Variants in ATF7IP observed in about 807,000 individuals in gnomAD.
The protein encoded by ATF7IP is activating transcription factor 7 interacting protein.
Under a neutral mutation model 106.4 loss-of-function variants are expected in ATF7IP, and 23 were observed. The ratio of observed to expected loss-of-function variants is 0.22; its 90% confidence interval spans 0.16 to 0.31. ATF7IP has a LOEUF of 0.31. Among genes scored for constraint, ATF7IP ranks in the 10% least tolerant of loss-of-function variants. The pLI is 1.00. For synonymous variants in ATF7IP, 542 were observed against 539.0 expected (o/e 1.01, Z -0.08); for missense variants, 1,334 against 1,524.3 (o/e 0.88, Z 2.08).
At chr12:14,467,389 T>C (rs1192431626) in intron 10 of ATF7IP, among the ~76,000 whole-genome samples, 2 of 152,190 alleles carry the variant, frequency 1.3e-5, no homozygotes, top group Admixed American at 6.5e-5. Flanking sequence ...AACCTAGATG[T>C]ACACCATAGT....
intron 13 of ATF7IP, among the ~76,000 whole-genome samples, chr12:14,491,010 A>C (rs1328141008): frequency 1.3e-5 from 2 of 152,126 alleles, no homozygotes; most frequent in East Asian, 1.9e-4. Flanking sequence ...AAAAGATGAC[A>C]GGGCTTTGCT....
At chr12:14,476,236 A>C in intron 11 of ATF7IP, 1 of 262,468 alleles carries the variant, frequency 3.8e-6, no homozygotes, top group Non-Finnish European at 7.2e-6. Context: ...ATGCGGTGAA[A>C]CCCCGTCTCT....
intron 9 of ATF7IP, 157 bp from the exon 10 acceptor site, chr12:14,466,369 A>G (rs1943832206): frequency 7.7e-6 from 5 of 645,490 alleles, no homozygotes; most frequent in South Asian, 7.4e-5. Context: ...TCTGAAAGAT[A>G]CTATAGCAGT....
chr12:14,436,920 T>C (rs1459987141), intron 4 of ATF7IP, among the ~76,000 whole-genome samples: 3 of 152,130 alleles, frequency 2.0e-5, no homozygotes, highest in South Asian at 2.1e-4. Context: ...CTTTATCTTA[T>C]TGTGAAAAGG....
At chr12:14,428,136 C>T (rs978107703) in intron 2 of ATF7IP, among the ~76,000 whole-genome samples, 1 of 150,932 alleles carries the variant, frequency 6.6e-6, no homozygotes, top group Non-Finnish European at 1.5e-5. Context: ...CTTATAAGTC[C>T]TTTAAAAAAA....
At chr12:14,468,199 C>T (rs1011590001) in intron 10 of ATF7IP, among the ~76,000 whole-genome samples, 28 of 146,286 alleles carry the variant, frequency 1.9e-4, no homozygotes, top group Admixed American at 6.4e-4. Flanking sequence ...CCCAGGAGGG[C>T]GGAGGTTGCA....
At chr12:14,409,246 A>G (rs1940779049) in intron 1 of ATF7IP, among the ~76,000 whole-genome samples, 1 of 152,118 alleles carries the variant, frequency 6.6e-6, no homozygotes, top group African/African-American at 2.4e-5. Flanking sequence ...ATTGGCAAAT[A>G]CAGAGAATGG....
At chr12:14,396,413 C>T (rs1186911638) in intron 1 of ATF7IP, among the ~76,000 whole-genome samples, 2 of 151,654 alleles carry the variant, frequency 1.3e-5, no homozygotes, top group African/African-American at 2.4e-5. Context: ...TTACTTGTTG[C>T]CTTTTGACAG....
In ATF7IP at chr12:14,481,758, G is replaced by T. The variant is rs112824105; in HGVS notation, c.3280+573G>T. 8.0e-4 allele frequency: 162 copies of T among 202,722 alleles called. 3 individuals carry two copies. In the East Asian group the frequency reaches 0.021, roughly 27 times the overall value. The allele number at this position is 202,722 out of a possible 1,614,324, so 12.6% of individuals were successfully genotyped here. On this transcript the variant is annotated intron_variant, in intron 13 of 14. Coordinates refer to ENST00000261168, the MANE Select transcript of ATF7IP (RefSeq NM_018179.5). ...ACTCTATTAAGAAACACCTTACCTA[G>T]TTAGAGTGGGAATGGTCAATTGTGA...
chr12:14,430,202 G>T (rs1176826223), intron 2 of ATF7IP, among the ~76,000 whole-genome samples: 1 of 152,168 alleles, frequency 6.6e-6, no homozygotes, highest in Non-Finnish European at 1.5e-5. Flanking sequence ...TGTTTCAGAA[G>T]CCAAGTAAAA....
intron 10 of ATF7IP, among the ~76,000 whole-genome samples, chr12:14,470,959 C>T (rs1281215526): frequency 6.6e-6 from 1 of 152,148 alleles, no homozygotes; most frequent in East Asian, 1.9e-4. Context: ...TTCCTCTGAG[C>T]ACTGCTTTGC....
chr12:14,377,321 T>TC (rs1220465344), intron 1 of ATF7IP, among the ~76,000 whole-genome samples: 3 of 150,988 alleles, frequency 2.0e-5, no homozygotes, highest in Admixed American at 1.3e-4. Context: ...ATTTCACATT[T>TC]CCAGTGTGGT....
At chr12:14,441,253 CT>C (rs983454977) in intron 5 of ATF7IP, among the ~76,000 whole-genome samples, 7 of 151,990 alleles carry the variant, frequency 4.6e-5, no homozygotes, top group African/African-American at 1.7e-4. Flanking sequence ...TTTTTACTTT[CT>C]TTTTTTATTA....
intron 13 of ATF7IP, among the ~76,000 whole-genome samples, chr12:14,485,208 G>A (rs139743739): frequency 1.9e-4 from 29 of 152,078 alleles, no homozygotes; most frequent in African/African-American, 4.1e-4. Context: ...GTTCTGGACC[G>A]CACTCAAAAC....
chr12:14,451,286 TGTTA>T (rs765353611), intron 6 of ATF7IP, among the ~76,000 whole-genome samples: 5 of 152,154 alleles, frequency 3.3e-5, no homozygotes, highest in African/African-American at 1.2e-4. Context: ...TCATCTGTTT[TGTTA>T]GTTAGCCTAG....
chr12:14,372,586 A>T (rs957076554), intron 1 of ATF7IP, among the ~76,000 whole-genome samples: 1 of 152,134 alleles, frequency 6.6e-6, no homozygotes, highest in Non-Finnish European at 1.5e-5. Context: ...TTGCCATCAG[A>T]AATATGCACT....
chr12:14,414,944 T>A (rs1237444190), intron 1 of ATF7IP, among the ~76,000 whole-genome samples: 1 of 152,152 alleles, frequency 6.6e-6, no homozygotes, highest in Admixed American at 6.6e-5. Flanking sequence ...TATTTATTTA[T>A]TTTTTTAATG....
At position 14,424,362 on chromosome 12, in the gene ATF7IP, G is replaced by A. The variant is rs777811012; in HGVS notation, c.447G>A (p.Leu149=). The A allele has an allele frequency of 6.2e-6, 10 of 1,614,126 alleles. No individual in the cohort carries two copies. In the East Asian group the frequency reaches 1.6e-4, roughly 25 times the overall value. Residue 149 remains leucine, a synonymous_variant, in exon 2 of 15, where the codon CTG becomes CTA. Transcript: ENST00000261168. ...LDAGDPASGV[L]ASGDSTSGDP... Reference sequence around the variant, plus strand: ...CCGGAGATCCAGCCTCCGGAGTACTGGCCTCTGGTGATTCCACCTCTGGTG... The same window carrying A: ...CCGGAGATCCAGCCTCCGGAGTACTAGCCTCTGGTGATTCCACCTCTGGTG...
At position 14,458,106 on chromosome 12, in the gene ATF7IP, AT is replaced by A. The variant is rs201080145; in HGVS notation, c.2158+812del. On this transcript the variant is annotated intron_variant, in intron 8 of 14. Transcript: ENST00000261168. ...GTGGGACTTCCTCTCAAAAAAAAAA[AT>A]AATAAATAATAAATATAAAAATAGA... Among the ~76,000 whole-genome samples, 1,448 of 151,564 alleles carry A rather than the reference AT, an allele frequency of 9.6e-3. 32 individuals are homozygous for A. Among genetic ancestry groups the A allele is most frequent in the African/African-American group, 0.033 (1,362 of 41,420 alleles).
Sources: allele counts gnomAD v4.1 joint callset (sites outside exome capture counted in the v4.1 genomes callset), GRCh38; gene constraint gnomAD v4.1.1; transcripts MANE v1.5; gene names NCBI Gene and HGNC (gene_info 2026-07-23, HGNC 2026-07-21).